PCDHGA5: variants seen among roughly 807,000 people sequenced by gnomAD.
PCDHGA5 encodes the protein protocadherin gamma-A5.
In PCDHGA5, 36 loss-of-function variants were observed where a neutral mutation model predicts 56.7. The ratio of observed to expected loss-of-function variants is 0.64; its 90% CI spans 0.49 to 0.84. The LOEUF is 0.84. Among genes scored for constraint, PCDHGA5 ranks in the 40% least tolerant of loss-of-function variants. The pLI is 0.00. For synonymous variants in PCDHGA5, 563 were observed against 520.2 expected, an observed-to-expected ratio of 1.08 and a Z score of -1.12; for missense variants, 1,305 against 1,201.5, an observed-to-expected ratio of 1.09 and a Z score of -1.27.
Position 141,364,958 on chromosome 5 carries a change from C to A in PCDHGA5, c.628C>A (p.Leu210Ile). The A allele has an allele frequency of 2.5e-6, 4 of 1,613,958 alleles. No individual in the cohort carries two copies. The highest frequency in any genetic ancestry group is 1.7e-6 in the Non-Finnish European group (2 of 1,179,894). The change falls in exon 1 of 4, where the codon CTC becomes ATC. Residue 210 changes from leucine (L) to isoleucine (I), a missense_variant. Transcript: ENST00000518069. ...CCGCGAGAAAGAGACTGTTCACGACCTCCTCCTCACAGCTTTAGATGGCGG... is the reference window on the plus strand; with the variant it reads ...CCGCGAGAAAGAGACTGTTCACGACATCCTCCTCACAGCTTTAGATGGCGG... The part of the protein sequence containing the change: ...LDREKETVHD[L>I]LLTALDGGDP...
rs371864119 is a variant in PCDHGA5 at position 141,366,209 on chromosome 5, C to A, written c.1879C>A (p.Arg627Ser). 11 of 1,613,698 alleles carry A rather than the reference C, an allele frequency of 6.8e-6. No individual in the cohort carries two copies. Among genetic ancestry groups the A allele is most frequent in the African/African-American group, 1.3e-5 (1 of 74,954 alleles). ...GGTTGGGCTGCACACGGGCGAGGTG[C>A]GCACAGCGCGAGCCCTGCTGGACAG... is the stretch of plus-strand genomic sequence containing the variant. ...FAVGLHTGEV[R>S]TARALLDRDA... Residue 627 changes from arginine (R) to serine (S), a missense_variant, in exon 1 of 4, where the codon CGC (arginine) becomes AGC (serine). Arg to Ser is a moderately radical substitution (Grantham distance 110, BLOSUM62 -1). Transcript: ENST00000518069.
chr5:141,418,270 A>T, intron 1 of PCDHGA5: 1 of 1,614,052 alleles, frequency 6.2e-7, no homozygotes. Context: ...GGAAAGATGA[A>T]ATAAACTTAG....
rs750914672 is a variant in PCDHGA5 at position 141,371,927 on chromosome 5, C to A, written c.2421+5176C>A. ...CCTACGTGTCCGTGAGCGCGCGGAG[C>A]GGGGTGGTGTTCGCGCAGCGAGCCT... On this transcript the variant is annotated intron_variant, in intron 1 of 3. Coordinates refer to ENST00000518069, the MANE Select transcript of PCDHGA5 (RefSeq NM_018918.3). 53 of 1,613,208 alleles carry A rather than the reference C, an allele frequency of 3.3e-5. No homozygotes were observed. The highest frequency in any genetic ancestry group is 3.9e-5 in the Non-Finnish European group (46 of 1,179,904).
intron 1 of PCDHGA5, chr5:141,415,677 C>T (rs375781400): frequency 4.7e-6 from 7 of 1,499,248 alleles, no homozygotes; most frequent in Middle Eastern, 1.8e-4. Flanking sequence ...TTGAAGTTTG[C>T]GGCATGATGG....
At chr5:141,371,418 G>C (rs761627230) in intron 1 of PCDHGA5, 9 of 1,614,006 alleles carry the variant, frequency 5.6e-6, no homozygotes, top group Middle Eastern at 1.6e-4. Context: ...AGATGAAAAT[G>C]ACAATGCCCC....
intron 1 of PCDHGA5, chr5:141,433,153 A>G (rs896611410): frequency 3.1e-6 from 5 of 1,613,482 alleles, no homozygotes; most frequent in African/African-American, 2.7e-5. Flanking sequence ...GTGATTCGGT[A>G]TTTTCTAAAG....
At chr5:141,417,585 G>T in intron 1 of PCDHGA5, 1 of 462,794 alleles carries the variant, frequency 2.2e-6, no homozygotes, top group South Asian at 4.9e-5. Context: ...GTCCCACACA[G>T]AGCCTCTGGG....
chr5:141,397,893 G>T (rs1442552386), intron 1 of PCDHGA5: 4 of 650,466 alleles, frequency 6.1e-6, no homozygotes, highest in African/African-American at 5.5e-5. Flanking sequence ...GTTGGCCAAA[G>T]TGCAGAGCTT....
chr5:141,427,150 T>C (rs570999921), intron 1 of PCDHGA5: 6 of 456,866 alleles, frequency 1.3e-5, no homozygotes, highest in African/African-American at 4.0e-5. Flanking sequence ...ATTGGAAATA[T>C]GTTTGTGCTA....
At chr5:141,415,793 T>C in intron 1 of PCDHGA5, 1 of 1,373,160 alleles carries the variant, frequency 7.3e-7, no homozygotes, top group Non-Finnish European at 9.4e-7. Context: ...AAAATTCACC[T>C]AGTCTCAATC....
At chr5:141,392,063 A>G (rs2092459837) in intron 1 of PCDHGA5, 1 of 152,218 alleles carries the variant, frequency 6.6e-6, no homozygotes, top group African/African-American at 2.4e-5. Context: ...TATTATCGAC[A>G]TGTAATTCAA....
In PCDHGA5 at chr5:141,365,305, C is replaced by A; in HGVS notation, c.975C>A (p.Gly325=). Residue 325 remains glycine (G), a synonymous_variant, in exon 1 of 4, where the codon GGC becomes GGA. Coordinates refer to ENST00000518069, the MANE Select transcript of PCDHGA5 (RefSeq NM_018918.3). The part of the protein sequence containing the change: ...YLMEVVAQDG[G]ALVASAKVVV... ...TGGAAGTGGTAGCTCAGGATGGAGGCGCTCTTGTTGCCAGCGCTAAGGTGG... is the reference window on the plus strand; with the variant it reads ...TGGAAGTGGTAGCTCAGGATGGAGGAGCTCTTGTTGCCAGCGCTAAGGTGG... The A allele has an allele frequency of 2.5e-6, 4 of 1,613,926 alleles. No individual in the cohort carries two copies. Among genetic ancestry groups the A allele is most frequent in the Non-Finnish European group, 3.4e-6 (4 of 1,179,890 alleles).
Position 141,489,575 on chromosome 5 carries a change from AC to A in PCDHGA5, c.2422-5227del. On this transcript the variant is annotated intron_variant, in intron 1 of 3. Coordinates refer to ENST00000518069, the MANE Select transcript of PCDHGA5 (RefSeq NM_018918.3). This position sits in a 1 kb window ranked among gnomAD's most constrained non-coding sequence, Gnocchi z 4.5. ...CTGCCAGTGCAGGTGGTGACTGAAC[AC>A]CCCCTGGAGCTAATCCGTGTAGAGG... 1 of 1,613,788 alleles carries A rather than the reference AC, an allele frequency of 6.2e-7. No individual in the cohort carries two copies. Among genetic ancestry groups the A allele is most frequent in the Middle Eastern group, 1.6e-4 (1 of 6,062 alleles).
intron 1 of PCDHGA5, chr5:141,413,154 A>G: frequency 6.3e-7 from 1 of 1,576,026 alleles, no homozygotes; most frequent in Middle Eastern, 1.7e-4. Context: ...AGGACTTTGC[A>G]GAATTCTGTA....
At chr5:141,423,006 T>G (rs746057587) in intron 1 of PCDHGA5, 12 of 1,614,078 alleles carry the variant, frequency 7.4e-6, no homozygotes, top group African/African-American at 1.3e-5. Context: ...CCAAGGTGGT[T>G]GCGGTGGACA....
rs1446853595 is a variant in PCDHGA5, at chr5:141,491,363, C to T, written c.2422-3444C>T. ...ACCGTCAGTCTCTTATCCCTAGTCA[C>T]CTTCACCTTTCTGTCAGCGAAGTGC... On this transcript the variant is annotated intron_variant, in intron 1 of 3. Coordinates refer to ENST00000518069, the MANE Select transcript of PCDHGA5 (RefSeq NM_018918.3). This position sits in a 1 kb window ranked among gnomAD's most constrained non-coding sequence, Gnocchi z 6.9. The T allele has an allele frequency of 6.2e-7, 1 of 1,614,182 alleles. No individual in the cohort carries two copies. Among genetic ancestry groups the T allele is most frequent in the South Asian group, 1.1e-5 (1 of 91,082 alleles).
intron 1 of PCDHGA5, among the ~76,000 whole-genome samples, chr5:141,473,017 AGAAG>A (rs1484773075): frequency 7.0e-4 from 107 of 151,874 alleles, no homozygotes; most frequent in Middle Eastern, 3.4e-3. Flanking sequence ...AGAAAAAGAA[AGAAG>A]GAAGGAAGGA....
chr5:141,375,608 T>G (rs1771640619), intron 1 of PCDHGA5: 1 of 1,614,000 alleles, frequency 6.2e-7, no homozygotes, highest in South Asian at 1.1e-5. Context: ...GTCCATCAAC[T>G]CCGACACTGG....
chr5:141,395,158 A>G, intron 1 of PCDHGA5: 2 of 1,614,208 alleles, frequency 1.2e-6, no homozygotes, highest in Non-Finnish European at 1.7e-6. Context: ...CTCATCAGTC[A>G]GGAGGGCTGT....
Sources: gnomAD v4.1 joint callset for allele counts (sites outside exome capture counted in the v4.1 genomes callset) on GRCh38, gnomAD v4.1.1 for gene constraint, Gnocchi (gnomAD v3.1) non-coding constraint, MANE v1.5 for transcripts, NCBI Gene and HGNC (gene_info 2026-07-23, HGNC 2026-07-21) for gene names.